The following APPL1 variants were observed in gnomAD, a reference collection of about 807,000 sequenced individuals.
APPL1 encodes DCC-interacting protein 13-alpha.
In APPL1, 42 loss-of-function variants were observed where a neutral mutation model predicts 106.8. The observed-to-expected ratio is 0.39, with a 90% confidence interval of 0.31 to 0.51. The LOEUF (loss-of-function observed/expected upper bound fraction) is 0.51. Among genes scored for constraint, APPL1 ranks in the 20% least tolerant of loss-of-function variants. The probability of loss-of-function intolerance (pLI) is 0.75; values close to 1 mark genes in which losing one functional copy is unlikely to be tolerated. For synonymous variants in APPL1, 263 were observed against 281.8 expected, an observed-to-expected ratio of 0.93 and a Z score of 0.67; for missense variants, 769 against 858.2, an observed-to-expected ratio of 0.90 and a Z score of 1.30.
At chr3:57,248,469 A>T in intron 10 of APPL1, 118 bp downstream of exon 10, 1 of 1,162,928 alleles carries the variant, frequency 8.6e-7, no homozygotes, top group East Asian at 2.5e-5. Flanking sequence ...GAAACTTTTT[A>T]GAGGTGTTAG....
chr3:57,252,363 G>C (rs751014778), intron 12 of APPL1, 52 bp downstream of exon 12: 1 of 1,368,250 alleles, frequency 7.3e-7, no homozygotes, highest in East Asian at 2.3e-5. Flanking sequence ...ATATTTTTCT[G>C]ATGACAAAAC....
At chr3:57,265,441 C>T (rs148924365) in intron 19 of APPL1, among the ~76,000 whole-genome samples, 24 of 152,288 alleles carry the variant, frequency 1.6e-4, no homozygotes, top group African/African-American at 3.1e-4. Context: ...TGAGCCACTG[C>T]GCCCAGCCTG....
At chr3:57,257,564 T>C (rs1397491341) in intron 15 of APPL1, 136 bp downstream of exon 15, 21 of 741,876 alleles carry the variant, frequency 2.8e-5, no homozygotes, top group Non-Finnish European at 4.0e-5. Flanking sequence ...ATGTAACATA[T>C]TGTTAGGGAA....
intron 1 of APPL1, among the ~76,000 whole-genome samples, chr3:57,232,784 C>A (rs531135792): frequency 6.6e-6 from 1 of 152,198 alleles, no homozygotes; most frequent in Admixed American, 6.5e-5. Context: ...GGGCAGATCA[C>A]AAGGTCAGGA....
chr3:57,234,407 C>A (rs1261634974), intron 1 of APPL1, among the ~76,000 whole-genome samples: 1 of 150,478 alleles, frequency 6.6e-6, no homozygotes, highest in Non-Finnish European at 1.5e-5. Context: ...ACGCCATTCT[C>A]CTGCCTCAGC....
At chr3:57,230,744 A>G (rs541524240) in intron 1 of APPL1, 1 of 454,726 alleles carries the variant, frequency 2.2e-6, no homozygotes, top group Admixed American at 2.6e-5. Flanking sequence ...GCAGCAAAGA[A>G]TATGAAGACT....
intron 19 of APPL1, 123 bp downstream of exon 19, chr3:57,260,897 A>G (rs565598514): frequency 5.5e-6 from 6 of 1,093,228 alleles, no homozygotes; most frequent in East Asian, 5.4e-5. Context: ...ATTCTTTACA[A>G]TTTATACAAA....
chr3:57,269,414 A>T (rs1212686616), intron 21 of APPL1, 127 bp from the exon 22 acceptor site: 4 of 870,148 alleles, frequency 4.6e-6, no homozygotes, highest in Non-Finnish European at 6.5e-6. Flanking sequence ...TCTTTTTATC[A>T]AGTTGTCAGA....
At chr3:57,253,376 A>T (rs1205542691) in intron 12 of APPL1, among the ~76,000 whole-genome samples, 1 of 152,062 alleles carries the variant, frequency 6.6e-6, no homozygotes, top group Non-Finnish European at 1.5e-5. Context: ...TTATTGCCTT[A>T]TATGAATTAA....
chr3:57,237,185 T>A (rs1275021749), intron 2 of APPL1, among the ~76,000 whole-genome samples: 1 of 152,234 alleles, frequency 6.6e-6, no homozygotes, highest in Non-Finnish European at 1.5e-5. Flanking sequence ...TCAACGTAGA[T>A]GCTCTAAAGA....
Position 57,228,304 on chromosome 3 carries a change from A to G in APPL1, c.54+367A>G. ...TCTCCCTGAGAACCTCTTCAGAAAA[A>G]TTGCAGAAGGGAGAGAAACCCCGAT... On this transcript the variant is annotated intron_variant, in intron 1 of 21. Transcript: ENST00000288266. This position sits in a 1 kb window ranked among gnomAD's most constrained non-coding sequence, Gnocchi z 4.6. Among the ~76,000 whole-genome samples the G allele has an allele frequency of 6.6e-6, 1 of 152,236 alleles. No individual in the cohort carries two copies. The highest frequency in any genetic ancestry group is 1.9e-4 in the East Asian group (1 of 5,202).
At chr3:57,264,146 A>G (rs996656398) in intron 19 of APPL1, among the ~76,000 whole-genome samples, 3 of 152,042 alleles carry the variant, frequency 2.0e-5, no homozygotes, top group Non-Finnish European at 4.4e-5. Flanking sequence ...GATGTTGAGG[A>G]CCTTTTCATA....
chr3:57,259,909 C>T lies in APPL1; in HGVS notation c.1548C>T (p.Asp516=). The change falls in exon 17 of 22, where the codon GAC becomes GAT. Residue 516 remains aspartate (D), a synonymous_variant. Transcript: ENST00000288266. ...FLGSMEVKSD[D]HPDVVYETMR... ...GTTCAATGGAGGTGAAATCAGATGA[C>T]CATCCAGATGTTGTTTATGAAACTA... is the stretch of plus-strand genomic sequence containing the variant. The T allele has an allele frequency of 6.2e-7, 1 of 1,613,484 alleles. No homozygotes were observed. Among genetic ancestry groups the T allele is most frequent in the Non-Finnish European group, 8.5e-7 (1 of 1,179,842 alleles).
At chr3:57,262,330 A>G (rs1039242334) in intron 19 of APPL1, among the ~76,000 whole-genome samples, 1 of 146,538 alleles carries the variant, frequency 6.8e-6, no homozygotes, top group South Asian at 2.2e-4. Context: ...ACCAATGTGC[A>G]GGAGAGTTTT....
At chr3:57,259,754 T>C (rs992534199) in intron 16 of APPL1, 91 bp from the exon 17 acceptor site, 14 of 1,121,866 alleles carry the variant, frequency 1.2e-5, no homozygotes, top group Non-Finnish European at 1.7e-5. Flanking sequence ...CAGTGTATTT[T>C]ATTCTTTTGG....
In APPL1 at chr3:57,245,668, C is replaced by T. The variant is rs144160772; in HGVS notation, c.475-408C>T. Among the ~76,000 whole-genome samples the T allele has an allele frequency of 2.5e-3, 383 of 151,760 alleles. 1 individual carries two copies. The highest frequency in any genetic ancestry group is 4.4e-3 in the Non-Finnish European group (302 of 67,888). ...AGCTATTCTCATGCCTCGGCCTCCCCAGTAGCTGGAATTATAGGTGTGTAC... is the reference window on the plus strand; with the variant it reads ...AGCTATTCTCATGCCTCGGCCTCCCTAGTAGCTGGAATTATAGGTGTGTAC... On this transcript the variant is annotated intron_variant, in intron 7 of 21. Coordinates refer to ENST00000288266, the MANE Select transcript of APPL1 (RefSeq NM_012096.3).
In APPL1 at chr3:57,229,126, A is replaced by G. The variant is rs547672142; in HGVS notation, c.54+1189A>G. Among the ~76,000 whole-genome samples, 12 of 152,312 alleles carry G rather than the reference A, an allele frequency of 7.9e-5. No homozygotes were observed. The South Asian group carries it at 2.5e-3, about 32-fold the overall frequency. On this transcript the variant is annotated intron_variant, in intron 1 of 21. Transcript: ENST00000288266. The stretch of plus-strand genomic sequence containing the variant: ...TAACAGCTGATAGTGACAAAAAGAG[A>G]AACTCACATTTGGTTTATCTTGACT...
Position 57,272,999 on chromosome 3 carries a change from T to G in APPL1, c.*3312T>G, listed in dbSNP as rs1479778374. 1 of 152,614 alleles carries G rather than the reference T, an allele frequency of 6.6e-6. No individual in the cohort carries two copies. The highest frequency in any genetic ancestry group is 1.5e-5 in the Non-Finnish European group (1 of 68,036). The allele number at this position is 152,614 out of a possible 1,614,324, so 9.5% of individuals were successfully genotyped here. A position where few individuals can be genotyped will look rare whatever the true frequency, so the allele number is the denominator to read the frequency against. On this transcript the variant is annotated 3_prime_UTR_variant, in exon 22 of 22. Coordinates refer to ENST00000288266, the MANE Select transcript of APPL1 (RefSeq NM_012096.3). Reference sequence around the variant, plus strand: ...CCAATTGTAGAAAGCAACCCTTTATTTTTAGCAAGTTTGGTTTACTCTTCT... The same window carrying G: ...CCAATTGTAGAAAGCAACCCTTTATGTTTAGCAAGTTTGGTTTACTCTTCT...
chr3:57,237,773 G>A (rs2060724130), intron 3 of APPL1, among the ~76,000 whole-genome samples: 1 of 152,124 alleles, frequency 6.6e-6, no homozygotes, highest in Non-Finnish European at 1.5e-5. Flanking sequence ...GTGACTTGCT[G>A]AACATTACAG....
Sources: gnomAD v4.1 joint callset for allele counts (sites outside exome capture counted in the v4.1 genomes callset) on GRCh38, gnomAD v4.1.1 for gene constraint, Gnocchi (gnomAD v3.1) non-coding constraint, MANE v1.5 for transcripts, NCBI Gene and HGNC (gene_info 2026-07-23, HGNC 2026-07-21) for gene names.